The following HIPK2 variants were observed in gnomAD, a reference collection of about 807,000 sequenced individuals.
HIPK2 encodes homeodomain-interacting protein kinase 2.
In HIPK2, 27 loss-of-function variants were observed where a neutral mutation model predicts 113.7. That is an observed-to-expected ratio of 0.24 (90% confidence interval 0.17 to 0.33). The LOEUF is 0.33. HIPK2 is among the 10% of genes least tolerant of loss of function. The pLI, the probability that HIPK2 is intolerant of heterozygous loss-of-function variation, is 1.00. For missense variants in HIPK2, 1,257 were observed against 1,588.0 expected, an observed-to-expected ratio of 0.79 and a Z score of 3.54; for synonymous variants, 631 against 642.2, an observed-to-expected ratio of 0.98 and a Z score of 0.26.
intron 14 of HIPK2, among the ~76,000 whole-genome samples, chr7:139,574,869 T>A (rs111958645): frequency 0.01 from 1,556 of 152,364 alleles, 23 homozygotes; most frequent in African/African-American, 0.035. Context: ...TCTGGCACCA[T>A]GTCACTAAGG....
intron 2 of HIPK2, among the ~76,000 whole-genome samples, chr7:139,636,291 A>G (rs780098062): frequency 6.6e-6 from 1 of 151,510 alleles, no homozygotes; most frequent in East Asian, 1.9e-4. Context: ...GCCCTCTTCT[A>G]TCCAACTGCT....
intron 2 of HIPK2, among the ~76,000 whole-genome samples, chr7:139,639,374 C>T (rs914286294): frequency 1.3e-5 from 2 of 152,200 alleles, no homozygotes; most frequent in Admixed American, 1.3e-4. Flanking sequence ...TTGTTTCAAG[C>T]TGTCCTCACT....
intron 2 of HIPK2, among the ~76,000 whole-genome samples, chr7:139,677,825 C>T (rs1382601008): frequency 1.3e-5 from 2 of 152,182 alleles, no homozygotes; most frequent in Non-Finnish European, 2.9e-5. Context: ...AACTAATTTA[C>T]ACTCCCAACA....
At chr7:139,644,156 T>C (rs1482630496) in intron 2 of HIPK2, among the ~76,000 whole-genome samples, 1 of 152,266 alleles carries the variant, frequency 6.6e-6, no homozygotes, top group African/African-American at 2.4e-5. Flanking sequence ...AGGCTCTTTT[T>C]AAATGTTTTT....
chr7:139,723,511 A>T (rs1459168544), intron 1 of HIPK2, among the ~76,000 whole-genome samples: 4 of 152,142 alleles, frequency 2.6e-5, no homozygotes, highest in East Asian at 1.9e-4. Context: ...ACAGTTTTTT[A>T]AAAAATGACA....
At chr7:139,730,358 TTC>T (rs1050060908) in intron 1 of HIPK2, among the ~76,000 whole-genome samples, 15 of 151,940 alleles carry the variant, frequency 9.9e-5, no homozygotes, top group South Asian at 2.1e-4. Context: ...CTGCAATTTT[TTC>T]TCTCTTTTTT....
intron 2 of HIPK2, among the ~76,000 whole-genome samples, chr7:139,679,095 T>C (rs1802608608): frequency 6.6e-6 from 1 of 152,260 alleles, no homozygotes; most frequent in African/African-American, 2.4e-5. Context: ...CACACAATCA[T>C]GTCATCTGCA....
At chr7:139,585,393 C>T (rs1798801108) in intron 12 of HIPK2, among the ~76,000 whole-genome samples, 1 of 152,214 alleles carries the variant, frequency 6.6e-6, no homozygotes, top group African/African-American at 2.4e-5. Flanking sequence ...GGTGCAGTCC[C>T]CAGGAGGCGC....
intron 1 of HIPK2, among the ~76,000 whole-genome samples, chr7:139,747,253 T>C (rs1796204828): frequency 6.6e-6 from 1 of 152,136 alleles, no homozygotes; most frequent in African/African-American, 2.4e-5. Context: ...AACGCAGAGG[T>C]GGCTGAGCCT....
At chr7:139,654,520 A>G (rs1455305973) in intron 2 of HIPK2, among the ~76,000 whole-genome samples, 1 of 152,140 alleles carries the variant, frequency 6.6e-6, no homozygotes, top group African/African-American at 2.4e-5. Flanking sequence ...CTCAAAAACA[A>G]ACAAACAAAA....
intron 12 of HIPK2, among the ~76,000 whole-genome samples, chr7:139,593,180 T>C (rs980408913): frequency 2.0e-5 from 3 of 152,260 alleles, no homozygotes; most frequent in African/African-American, 4.8e-5. Flanking sequence ...TTCAAGAGCA[T>C]GGCACCTGAG....
chr7:139,677,583 TTTTAAATTATAC>T (rs1322106192), intron 2 of HIPK2, among the ~76,000 whole-genome samples: 1 of 152,158 alleles, frequency 6.6e-6, no homozygotes, highest in Non-Finnish European at 1.5e-5. Flanking sequence ...CTATTATTTT[TTTTAAATTATAC>T]TTTAAGTTCT....
At chr7:139,665,529 G>A (rs755624395) in intron 2 of HIPK2, among the ~76,000 whole-genome samples, 1 of 151,946 alleles carries the variant, frequency 6.6e-6, no homozygotes, top group Non-Finnish European at 1.5e-5. Context: ...GGCTCTCCTG[G>A]ATAGAGCACT....
chr7:139,592,700 G>A (rs1285463978), intron 12 of HIPK2, among the ~76,000 whole-genome samples: 1 of 152,230 alleles, frequency 6.6e-6, no homozygotes, highest in African/African-American at 2.4e-5. Flanking sequence ...TGGATCAAGA[G>A]AGTCCAGGAG....
intron 1 of HIPK2, among the ~76,000 whole-genome samples, chr7:139,738,066 T>C (rs1795988243): frequency 6.6e-6 from 1 of 152,224 alleles, no homozygotes; most frequent in Middle Eastern, 3.2e-3. Flanking sequence ...AGGCACAGGC[T>C]CAATTCAAGA....
Position 139,631,708 on chromosome 7 carries a change from A to G in HIPK2, c.1121T>C (p.Leu374Pro), listed in dbSNP as rs1191762899. 1 of 1,613,730 alleles carries G rather than the reference A, an allele frequency of 6.2e-7. No individual in the cohort carries two copies. Among genetic ancestry groups the G allele is most frequent in the African/African-American group, 1.3e-5 (1 of 74,946 alleles). Residue 374 changes from leucine to proline, a missense_variant, in exon 3 of 15, where the codon CTT becomes CCT. By Grantham distance (98) the Leu-to-Pro change is moderately conservative. Around this residue, in one of 5 missense-constraint regions of HIPK2, gnomAD observed 84 missense variants for 182.2 expected, o/e 0.46. Transcript: ENST00000406875. The surrounding 1 kb of genome is among the most constrained non-coding windows in gnomAD (Gnocchi z 4.9). Reference protein sequence around the residue: ...SRYYRAPEIILGLPFCEAIDM... With the variant: ...SRYYRAPEIIPGLPFCEAIDM... The stretch of plus-strand genomic sequence containing the variant: ...AATTGCCTCACAAAATGGTAAACCA[A>G]GGATGATCTCAGGGGCCCTGAAAAG...
intron 13 of HIPK2, among the ~76,000 whole-genome samples, chr7:139,577,104 A>T (rs1798516636): frequency 6.6e-6 from 1 of 151,700 alleles, no homozygotes; most frequent in South Asian, 2.1e-4. Context: ...CAAAAGCAAC[A>T]AACAGACCCA....
In HIPK2 at chr7:139,716,269, C is replaced by T. The variant is rs377036744; in HGVS notation, c.766G>A (p.Asp256Asn). ...TAGGCCCGGACGAAGTTATAGTCATCGGCACTCTCCGTGCTCAACCGGGCC... is the reference window on the plus strand; with the variant it reads ...TAGGCCCGGACGAAGTTATAGTCATTGGCACTCTCCGTGCTCAACCGGGCC... ...ILARLSTESA[D>N]DYNFVRAYEC... The change falls in exon 2 of 15, where the codon GAT becomes AAT. Residue 256 changes from aspartate to asparagine, a missense_variant. Asp to Asn is a conservative substitution (Grantham distance 23). Transcript: ENST00000406875. This position sits in a 1 kb window ranked among gnomAD's most constrained non-coding sequence, Gnocchi z 9.3. 7.4e-6 allele frequency: 12 copies of T among 1,614,084 alleles called. No homozygotes were observed. Among genetic ancestry groups the T allele is most frequent in the African/African-American group, 1.3e-5 (1 of 74,938 alleles).
In HIPK2 at chr7:139,728,621, C is replaced by T. The variant is rs149922522; in HGVS notation, c.20-11606G>A. Among the ~76,000 whole-genome samples, 185 of 152,326 alleles carry T rather than the reference C, an allele frequency of 1.2e-3. 2 individuals carry two copies. Among genetic ancestry groups the T allele is most frequent in the African/African-American group, 4.3e-3 (179 of 41,558 alleles). ...CCTGATTCCTTCTATAAAGTCCCTA[C>T]CTCCAAATAAAGTCACATTCTGAGA... On this transcript the variant is annotated intron_variant, in intron 1 of 14. Transcript: ENST00000406875.
Sources: gnomAD v4.1 joint callset for allele counts (sites outside exome capture counted in the v4.1 genomes callset) on GRCh38, gnomAD v4.1.1 for gene constraint, gnomAD v4.1.1 regional missense constraint, Gnocchi (gnomAD v3.1) non-coding constraint, MANE v1.5 for transcripts, NCBI Gene and HGNC (gene_info 2026-07-23, HGNC 2026-07-21) for gene names.